Variants in CDH6 observed in about 807,000 individuals in gnomAD.
CDH6 encodes the protein cadherin 6.
Under a neutral mutation model 78.0 loss-of-function variants are expected in CDH6, and 31 were observed. The ratio of observed to expected loss-of-function variants is 0.40; its 90% CI spans 0.30 to 0.54. The LOEUF (loss-of-function observed/expected upper bound fraction) is 0.54. Among genes scored for constraint, CDH6 ranks in the 20% least tolerant of loss-of-function variants. The pLI, the probability that CDH6 is intolerant of heterozygous loss-of-function variation, is 0.56. For missense variants in CDH6, 724 were observed against 975.9 expected, an observed-to-expected ratio of 0.74 and a Z score of 3.44; for synonymous variants, 376 against 368.8, an observed-to-expected ratio of 1.02 and a Z score of -0.23.
intron 1 of CDH6, among the ~76,000 whole-genome samples, chr5:31,206,095 T>G (rs1362625040): frequency 6.6e-6 from 1 of 152,174 alleles, no homozygotes. Context: ...GTGCCTTTTG[T>G]GCTCTATATA....
rs147369653 is a variant in CDH6, at chr5:31,323,345, A to T, written c.*37A>T. Reference sequence around the variant, plus strand: ...TTTCATTTTCCAATACGACACTGAAATATGTGAAGTGGCTATTTCTTTATA... The same window carrying T: ...TTTCATTTTCCAATACGACACTGAATTATGTGAAGTGGCTATTTCTTTATA... On this transcript the variant is annotated 3_prime_UTR_variant, in exon 12 of 12. Transcript: ENST00000265071. 6.3e-7 allele frequency: 1 copy of T among 1,581,506 alleles called. No homozygotes were observed. Among genetic ancestry groups the T allele is most frequent in the South Asian group, 1.1e-5 (1 of 87,314 alleles).
At chr5:31,260,298 G>A (rs1428769665) in intron 1 of CDH6, among the ~76,000 whole-genome samples, 1 of 152,152 alleles carries the variant, frequency 6.6e-6, no homozygotes, top group East Asian at 1.9e-4. Context: ...TCTTTGTCCA[G>A]CCAGCGTTGT....
At chr5:31,200,402 T>A (rs1740317439) in intron 1 of CDH6, among the ~76,000 whole-genome samples, 1 of 152,016 alleles carries the variant, frequency 6.6e-6, no homozygotes, top group African/African-American at 2.4e-5. Context: ...ACCATGGATG[T>A]AGCATTTGGG....
At chr5:31,265,674 T>C (rs1198110996) in intron 1 of CDH6, among the ~76,000 whole-genome samples, 1 of 152,094 alleles carries the variant, frequency 6.6e-6, no homozygotes, top group Non-Finnish European at 1.5e-5. Context: ...ATCTGCATGG[T>C]TTAGAGTAAA....
At chr5:31,228,057 C>A (rs192243570) in intron 1 of CDH6, among the ~76,000 whole-genome samples, 2 of 152,276 alleles carry the variant, frequency 1.3e-5, no homozygotes, top group African/African-American at 4.8e-5. Context: ...TTACCATCCC[C>A]AGCTTCCAGA....
chr5:31,263,188 G>A (rs537103476), intron 1 of CDH6, among the ~76,000 whole-genome samples: 9 of 151,938 alleles, frequency 5.9e-5, no homozygotes, highest in Non-Finnish European at 1.3e-4. Flanking sequence ...CTTCTTACTG[G>A]TGGGGACTCT....
intron 1 of CDH6, among the ~76,000 whole-genome samples, chr5:31,197,243 A>G (rs776525342): frequency 5.3e-5 from 8 of 152,198 alleles, no homozygotes; most frequent in Non-Finnish European, 1.0e-4. Flanking sequence ...GGAGCAGCAT[A>G]ATTTCTGTAG....
intron 2 of CDH6, among the ~76,000 whole-genome samples, chr5:31,283,962 G>A (rs956282707): frequency 5.3e-5 from 8 of 151,940 alleles, no homozygotes; most frequent in Non-Finnish European, 7.4e-5. Context: ...CTACAGGCAG[G>A]CACCACCACG....
intron 2 of CDH6, among the ~76,000 whole-genome samples, 180 bp from the exon 3 acceptor site, chr5:31,293,782 C>T (rs1463155665): frequency 1.3e-5 from 2 of 149,868 alleles, no homozygotes; most frequent in African/African-American, 4.9e-5. Context: ...TATAAGGAAA[C>T]ATGTTCATTA....
Position 31,302,810 on chromosome 5 carries a change from A to G in CDH6, c.999+512A>G, listed in dbSNP as rs368471855. ...AGAGAGAGAGAGAGAGAAAGAAAGA[A>G]AGAAAGAAAGAAAGAAAGAAAGAAA... On this transcript the variant is annotated intron_variant, in intron 6 of 11. Transcript: ENST00000265071. 3.1e-5 allele frequency among the ~76,000 whole-genome samples: 4 copies of G among 130,968 alleles called. No individual in the cohort carries two copies. The East Asian group carries it at 8.7e-4, about 29-fold the overall frequency. 85.9% of individuals were successfully genotyped at this position (130,968 alleles called of 152,430 possible). A position where few individuals can be genotyped will look rare whatever the true frequency, so the allele number is the denominator to read the frequency against.
intron 1 of CDH6, among the ~76,000 whole-genome samples, chr5:31,202,745 T>C (rs1016148608): frequency 7.3e-5 from 11 of 151,416 alleles, no homozygotes; most frequent in African/African-American, 2.7e-4. Context: ...TATATGCGTG[T>C]ATATATGTAA....
chr5:31,232,114 CT>C (rs1216472021), intron 1 of CDH6, among the ~76,000 whole-genome samples: 4 of 152,258 alleles, frequency 2.6e-5, no homozygotes, highest in African/African-American at 7.2e-5. Flanking sequence ...TACTTTGTTT[CT>C]CACTCTTTAA....
intron 1 of CDH6, chr5:31,249,174 G>A (rs1030335330): frequency 3.9e-5 from 6 of 152,112 alleles, no homozygotes; most frequent in African/African-American, 1.4e-4. Context: ...AAAAAAAGGT[G>A]AGCCTAACCA....
intron 1 of CDH6, among the ~76,000 whole-genome samples, chr5:31,261,295 A>C (rs1290063655): frequency 2.0e-5 from 3 of 152,220 alleles, no homozygotes; most frequent in Non-Finnish European, 4.4e-5. Context: ...GAGATGTTAA[A>C]AAGTCATAAA....
Position 31,268,792 on chromosome 5 carries a change from C to A in CDH6, c.228+1091C>A, listed in dbSNP as rs530384759. On this transcript the variant is annotated intron_variant, in intron 2 of 11. Transcript: ENST00000265071. ...CTGTGATCAAATATCCCTGAATAACCATATGTAAATATTCTCTTTAAGTAT... is the reference window on the plus strand; with the variant it reads ...CTGTGATCAAATATCCCTGAATAACAATATGTAAATATTCTCTTTAAGTAT... 3.9e-5 allele frequency among the ~76,000 whole-genome samples: 6 copies of A among 152,262 alleles called. No individual in the cohort carries two copies. The East Asian group carries it at 1.2e-3, about 29-fold the overall frequency.
chr5:31,272,468 A>G (rs1742554597), intron 2 of CDH6, among the ~76,000 whole-genome samples: 1 of 152,238 alleles, frequency 6.6e-6, no homozygotes, highest in Non-Finnish European at 1.5e-5. Flanking sequence ...GTTTTATGTA[A>G]CATAGCAATT....
intron 5 of CDH6, among the ~76,000 whole-genome samples, chr5:31,301,163 A>G (rs1005994648): frequency 6.6e-6 from 1 of 152,208 alleles, no homozygotes; most frequent in African/African-American, 2.4e-5. Context: ...GAGTCAAAAA[A>G]AGTTTAAAAA....
At chr5:31,228,573 T>C (rs1675965926) in intron 1 of CDH6, among the ~76,000 whole-genome samples, 1 of 152,232 alleles carries the variant, frequency 6.6e-6, no homozygotes, top group Admixed American at 6.5e-5. Context: ...GAACTGGTTT[T>C]GTGGAAGAAA....
In CDH6 at chr5:31,302,156, C is replaced by G; in HGVS notation, c.857C>G (p.Pro286Arg). 1 of 1,613,810 alleles carries G rather than the reference C, an allele frequency of 6.2e-7. No individual in the cohort carries two copies. The highest frequency in any genetic ancestry group is 8.5e-7 in the Non-Finnish European group (1 of 1,179,826). ...KTPESSPPGT[P>R]IGRIKASDAD... ...CCTGAATCTTCTCCACCGGGGACAC[C>G]AATTGGCAGAATCAAAGCCAGCGAC... Residue 286 changes from proline to arginine, a missense_variant, in exon 6 of 12, where the codon CCA becomes CGA. Transcript: ENST00000265071.
Sources: allele counts gnomAD v4.1 joint callset (sites outside exome capture counted in the v4.1 genomes callset), GRCh38; gene constraint gnomAD v4.1.1; transcripts MANE v1.5; gene names NCBI Gene and HGNC (gene_info 2026-07-23, HGNC 2026-07-21).